The following MTMR7 variants were observed in gnomAD, a reference collection of about 807,000 sequenced individuals.
MTMR7 encodes phosphatidylinositol-3-phosphate phosphatase MTMR7.
In MTMR7, 76 loss-of-function variants were observed where a neutral mutation model predicts 81.2. That is an observed-to-expected ratio of 0.94 (90% CI 0.78 to 1.13). The LOEUF (loss-of-function observed/expected upper bound fraction) is 1.13, where lower values mean the gene tolerates loss of function less well. Among genes scored for constraint, MTMR7 ranks in the 50% most tolerant of loss-of-function variants. The pLI, the probability that MTMR7 is intolerant of heterozygous loss-of-function variation, is 0.00. For missense variants in MTMR7, 1,044 were observed against 820.0 expected, an observed-to-expected ratio of 1.27 and a Z score of -3.34; for synonymous variants, 372 against 289.8, an observed-to-expected ratio of 1.28 and a Z score of -2.88.
intron 13 of MTMR7, among the ~76,000 whole-genome samples, chr8:17,300,732 G>C (rs1817056310): frequency 6.6e-6 from 1 of 152,068 alleles, no homozygotes; most frequent in Non-Finnish European, 1.5e-5. Context: ...CACCTCCCCT[G>C]CCGAAAGAAA....
chr8:17,361,034 G>C lies in MTMR7; in HGVS notation c.468+83C>G, dbSNP rs1183921532. ...ATATCTACAAAGAGCTATAAAACCTGAAGGAGATAAAAATAAAGGGATGCT... is the reference window on the plus strand; with the variant it reads ...ATATCTACAAAGAGCTATAAAACCTCAAGGAGATAAAAATAAAGGGATGCT... On this transcript the variant is annotated intron_variant, in intron 4 of 13. Transcript: ENST00000180173. 6.8e-6 allele frequency: 10 copies of C among 1,464,624 alleles called. No individual in the cohort carries two copies. The African/African-American group carries it at 1.4e-4, about 21-fold the overall frequency. 90.7% of individuals were successfully genotyped at this position (1,464,624 alleles called of 1,614,324 possible).
intron 5 of MTMR7, among the ~76,000 whole-genome samples, chr8:17,345,395 G>A (rs905784285): frequency 1.3e-5 from 2 of 152,182 alleles, no homozygotes; most frequent in African/African-American, 2.4e-5. Flanking sequence ...GTGACCCCAC[G>A]CTCCTGATAC....
chr8:17,368,277 C>T (rs753224579), intron 3 of MTMR7, among the ~76,000 whole-genome samples: 5 of 152,142 alleles, frequency 3.3e-5, no homozygotes, highest in African/African-American at 7.2e-5. Context: ...TGTGCTGTGC[C>T]GCCCGCTTCC....
chr8:17,361,401 C>G, intron 3 of MTMR7, 127 bp from the exon 4 acceptor site: 3 of 959,766 alleles, frequency 3.1e-6, no homozygotes, highest in Non-Finnish European at 4.8e-6. Flanking sequence ...CCAGCACACT[C>G]TTGGGAGTAA....
chr8:17,329,401 A>G lies in MTMR7; in HGVS notation c.865+1749T>C, dbSNP rs563159938. Among the ~76,000 whole-genome samples the G allele has an allele frequency of 5.9e-5, 9 of 152,326 alleles. No individual in the cohort carries two copies. The East Asian group carries it at 1.5e-3, about 26-fold the overall frequency. ...GCTGGAAAAGTTACGTGCAAGCACC[A>G]TGTTCCCTTATGAAACAGACAGCTG... On this transcript the variant is annotated intron_variant, in intron 7 of 13. Coordinates refer to ENST00000180173, the MANE Select transcript of MTMR7 (RefSeq NM_004686.5).
intron 7 of MTMR7, among the ~76,000 whole-genome samples, chr8:17,315,936 C>A (rs1307434474): frequency 6.6e-6 from 1 of 152,144 alleles, no homozygotes; most frequent in Non-Finnish European, 1.5e-5. Flanking sequence ...TCACTTCAAC[C>A]CAGGAGTTTG....
At chr8:17,350,720 A>G (rs1361759691) in intron 4 of MTMR7, among the ~76,000 whole-genome samples, 1 of 152,202 alleles carries the variant, frequency 6.6e-6, no homozygotes, top group Non-Finnish European at 1.5e-5. Flanking sequence ...AGCCTCTTAT[A>G]AAGTCTTCTG....
intron 4 of MTMR7, among the ~76,000 whole-genome samples, chr8:17,353,165 C>G (rs189767018): frequency 6.6e-6 from 1 of 152,156 alleles, no homozygotes; most frequent in Admixed American, 6.5e-5. Flanking sequence ...ACCTTGAGGA[C>G]ATTAAATGAC....
Position 17,300,092 on chromosome 8 carries a change from T to A in MTMR7, c.1753A>T (p.Asn585Tyr). The A allele has an allele frequency of 6.2e-7, 1 of 1,614,166 alleles. No individual in the cohort carries two copies. The highest frequency in any genetic ancestry group is 8.5e-7 in the Non-Finnish European group (1 of 1,180,026). Residue 585 changes from asparagine to tyrosine, a missense_variant, in exon 14 of 14, where the codon AAT becomes TAT. Physicochemically the swap from Asn to Tyr is moderately radical, Grantham distance 143. Transcript: ENST00000180173. ...CTCCGGGATGGAAATGATTTCATAT[T>A]CCCACTGTAATCCTGGGGAGTGTTG... ...IANTPQDYSG[N>Y]MKSFPSRSPS... is the part of the protein sequence containing the mutation.
chr8:17,309,780 C>T (rs1009096014), intron 9 of MTMR7, among the ~76,000 whole-genome samples: 8 of 152,150 alleles, frequency 5.3e-5, no homozygotes, highest in African/African-American at 1.9e-4. Flanking sequence ...TGCTGCCTCT[C>T]AGTGTAATGT....
intron 1 of MTMR7, among the ~76,000 whole-genome samples, chr8:17,411,916 T>C (rs1175744875): frequency 2.6e-5 from 4 of 152,222 alleles, no homozygotes; most frequent in South Asian, 4.1e-4. Context: ...GCTCCCTTCA[T>C]CATGGAAGGA....
intron 13 of MTMR7, among the ~76,000 whole-genome samples, chr8:17,301,414 G>A (rs1817104307): frequency 6.6e-6 from 1 of 152,182 alleles, no homozygotes; most frequent in South Asian, 2.1e-4. Context: ...CCTGACAGGA[G>A]TAGGGACAGT....
At chr8:17,370,914 A>G (rs1486386420) in intron 3 of MTMR7, 123 bp downstream of exon 3, 2 of 994,906 alleles carry the variant, frequency 2.0e-6, no homozygotes, top group Non-Finnish European at 2.9e-6. Flanking sequence ...TCCTCTCCTG[A>G]GAACGAGACT....
intron 6 of MTMR7, among the ~76,000 whole-genome samples, chr8:17,336,973 T>C (rs572042467): frequency 5.9e-5 from 9 of 152,308 alleles, no homozygotes; most frequent in African/African-American, 1.2e-4. Context: ...TGTGAGACCC[T>C]GGGCAAATTA....
intron 2 of MTMR7, 54 bp downstream of exon 2, chr8:17,373,064 C>A: frequency 6.2e-7 from 1 of 1,600,086 alleles, no homozygotes; most frequent in South Asian, 1.1e-5. Flanking sequence ...AGGGCAAACA[C>A]TTTTTGCTTC....
intron 1 of MTMR7, among the ~76,000 whole-genome samples, chr8:17,387,212 C>A (rs1820972093): frequency 6.6e-6 from 1 of 152,156 alleles, no homozygotes. Context: ...CCCAGATATC[C>A]CAGGTATTCT....
At chr8:17,313,975 C>A (rs529950812) in intron 7 of MTMR7, among the ~76,000 whole-genome samples, 1 of 152,266 alleles carries the variant, frequency 6.6e-6, no homozygotes, top group East Asian at 1.9e-4. Flanking sequence ...TGCCTCTGAT[C>A]CAATTCTAGA....
intron 7 of MTMR7, among the ~76,000 whole-genome samples, chr8:17,330,652 A>G (rs6993538): frequency 0.34 from 51,038 of 152,108 alleles, 10,320 homozygotes; most frequent in African/African-American, 0.55. Flanking sequence ...CATATATGTC[A>G]AAGTGTGTGT....
In MTMR7 at chr8:17,313,385, A is replaced by G. The variant is rs1396487458; in HGVS notation, c.882T>C (p.Ser294=). ...CCCACAGGAAATCACTCATGGAGGG[A>G]GATTTAAGTTCACACACTGCAAGAT... ...QKMLEVCELK[S]PSMSDFLWGL... The change falls in exon 8 of 14, where the codon TCT becomes TCC. Residue 294 remains serine, a synonymous_variant. Transcript: ENST00000180173. The G allele has an allele frequency of 6.2e-7, 1 of 1,610,694 alleles. No homozygotes were observed. Among genetic ancestry groups the G allele is most frequent in the Admixed American group, 1.7e-5 (1 of 59,904 alleles).
Sources: allele counts gnomAD v4.1 joint callset (sites outside exome capture counted in the v4.1 genomes callset), GRCh38; gene constraint gnomAD v4.1.1; transcripts MANE v1.5; gene names NCBI Gene and HGNC (gene_info 2026-07-23, HGNC 2026-07-21).